The following CILK1 variants were observed in gnomAD, a reference collection of about 807,000 sequenced individuals.
The protein encoded by CILK1 is serine/threonine-protein kinase ICK.
CILK1 carries 47 observed loss-of-function variants against 79.2 expected under a neutral mutation model. That is an observed-to-expected ratio of 0.59 (90% CI 0.47 to 0.76). CILK1 has a LOEUF of 0.76. CILK1 is among the 30% of genes least tolerant of loss of function. The pLI is 0.00. For missense variants in CILK1, 660 were observed against 769.5 expected (o/e 0.86, Z 1.68); for synonymous variants, 266 against 275.9 (o/e 0.96, Z 0.36).
chr6:53,024,597 C>G (rs572254878), intron 5 of CILK1, among the ~76,000 whole-genome samples: 71 of 152,218 alleles, frequency 4.7e-4, no homozygotes, highest in African/African-American at 1.7e-3. Context: ...GCACCTGTGA[C>G]CTCTGAAAAT....
intron 4 of CILK1, 38 bp downstream of exon 4, chr6:53,032,495 T>C: frequency 7.0e-7 from 1 of 1,437,964 alleles, no homozygotes; most frequent in Non-Finnish European, 9.3e-7. Flanking sequence ...GCTTTGCCTA[T>C]TTATTTCTAT....
intron 1 of CILK1, among the ~76,000 whole-genome samples, chr6:53,051,700 T>A (rs1767492666): frequency 6.6e-6 from 1 of 152,254 alleles, no homozygotes; most frequent in Non-Finnish European, 1.5e-5. Flanking sequence ...TTGTGTCATA[T>A]AAAGTAACAC....
At chr6:53,025,453 T>G (rs1050471929) in intron 5 of CILK1, among the ~76,000 whole-genome samples, 1 of 152,196 alleles carries the variant, frequency 6.6e-6, no homozygotes, top group African/African-American at 2.4e-5. Flanking sequence ...GTCATGCTCC[T>G]GTAAACACTG....
intron 5 of CILK1, among the ~76,000 whole-genome samples, chr6:53,029,029 T>C (rs1366042844): frequency 1.3e-5 from 2 of 152,100 alleles, no homozygotes; most frequent in East Asian, 1.9e-4. Flanking sequence ...TGGCAACAAG[T>C]ATCTGGGTCT....
At chr6:53,024,089 A>G (rs1260205693) in intron 5 of CILK1, among the ~76,000 whole-genome samples, 1 of 152,230 alleles carries the variant, frequency 6.6e-6, no homozygotes, top group East Asian at 1.9e-4. Context: ...CAAGTTTGCT[A>G]TTTTATAGCA....
At chr6:53,036,813 T>C (rs1301760027) in intron 3 of CILK1, among the ~76,000 whole-genome samples, 1 of 152,224 alleles carries the variant, frequency 6.6e-6, no homozygotes, top group Non-Finnish European at 1.5e-5. Flanking sequence ...TTAAATATTA[T>C]GTCCCCTCAA....
rs1455410368 is a variant in CILK1, at chr6:53,003,418, TC to T, written c.*1730del. 3 of 152,192 alleles carry T rather than the reference TC, an allele frequency of 2.0e-5. No individual in the cohort carries two copies. The highest frequency in any genetic ancestry group is 4.4e-5 in the Non-Finnish European group (3 of 68,034). The allele number at this position is 152,192 out of a possible 1,614,324, so 9.4% of individuals were successfully genotyped here. The stretch of plus-strand genomic sequence containing the variant: ...TTGAACCATATGAAAGTGTCTATAT[TC>T]ATTTCACCTATCATTTTAACCTATA... On this transcript the variant is annotated 3_prime_UTR_variant, in exon 14 of 14. Transcript: ENST00000676107.
intron 1 of CILK1, among the ~76,000 whole-genome samples, chr6:53,051,019 G>A (rs542973253): frequency 6.6e-6 from 1 of 152,032 alleles, no homozygotes; most frequent in South Asian, 2.1e-4. Flanking sequence ...TGGCCTCTGG[G>A]GACTTCTCAC....
At chr6:53,009,818 G>A (rs1764456970) in intron 11 of CILK1, among the ~76,000 whole-genome samples, 1 of 152,140 alleles carries the variant, frequency 6.6e-6, no homozygotes, top group Non-Finnish European at 1.5e-5. Flanking sequence ...GCCCTCTGGT[G>A]CCATCCTGGG....
At position 53,005,176 on chromosome 6, in the gene CILK1, C is replaced by T. The variant is rs1205470770; in HGVS notation, c.1872G>A (p.Trp624Ter). 1 of 1,614,070 alleles carries T rather than the reference C, an allele frequency of 6.2e-7. No homozygotes were observed. The highest frequency in any genetic ancestry group is 8.5e-7 in the Non-Finnish European group (1 of 1,180,038). The change falls in exon 14 of 14, where the codon TGG (tryptophan) becomes TGA (stop). Residue 624 changes from tryptophan to a stop codon, truncating the protein, a stop_gained. Coordinates refer to ENST00000676107, the MANE Select transcript of CILK1 (RefSeq NM_014920.5). LOFTEE classifies it high-confidence loss of function. The stretch of plus-strand genomic sequence containing the variant: ...ATCGCCGAGATGCGTACTTGGAAGC[C>T]CAGTCTGTCCGGCCATGCACTGGCT... ...AAQPVHGRTD[W>*]ASKYASRR
chr6:53,014,111 T>C, intron 8 of CILK1, 129 bp from the exon 9 acceptor site: 1 of 754,004 alleles, frequency 1.3e-6, no homozygotes, highest in East Asian at 2.7e-5. Flanking sequence ...AACAGTACCT[T>C]GAATTTTTAA....
At chr6:53,023,659 C>T (rs1229394864) in intron 5 of CILK1, among the ~76,000 whole-genome samples, 3 of 152,016 alleles carry the variant, frequency 2.0e-5, no homozygotes, top group Non-Finnish European at 2.9e-5. Context: ...CTGTCACTGC[C>T]CTAGAGCAAA....
chr6:53,014,968 C>T lies in CILK1; in HGVS notation c.832-986G>A, dbSNP rs533806066. ...CCCTGCAGCCATTTGTGAATTTCACCACCAGAACTGCATTCCTGAGAGCTT... is the reference window on the plus strand; with the variant it reads ...CCCTGCAGCCATTTGTGAATTTCACTACCAGAACTGCATTCCTGAGAGCTT... On this transcript the variant is annotated intron_variant, in intron 8 of 13. Coordinates refer to ENST00000676107, the MANE Select transcript of CILK1 (RefSeq NM_014920.5). Among the ~76,000 whole-genome samples, 22 of 152,346 alleles carry T rather than the reference C, an allele frequency of 1.4e-4. No individual in the cohort carries two copies. The East Asian group carries it at 4.2e-3, about 29-fold the overall frequency.
At chr6:53,044,747 G>A (rs1422475531) in intron 1 of CILK1, among the ~76,000 whole-genome samples, 1 of 152,098 alleles carries the variant, frequency 6.6e-6, no homozygotes, top group African/African-American at 2.4e-5. Context: ...AGGTCGTAAG[G>A]GTAGGGGTCT....
intron 3 of CILK1, among the ~76,000 whole-genome samples, chr6:53,037,309 A>G (rs563859287): frequency 1.4e-4 from 22 of 152,326 alleles, no homozygotes; most frequent in Non-Finnish European, 2.2e-4. Flanking sequence ...GGCAGGGGGA[A>G]AGGAGGAGAA....
intron 5 of CILK1, among the ~76,000 whole-genome samples, chr6:53,020,558 T>C (rs1765169612): frequency 6.6e-6 from 1 of 152,228 alleles, no homozygotes; most frequent in Non-Finnish European, 1.5e-5. Context: ...TACTGCAGCA[T>C]TTTGGATTTC....
At chr6:53,008,589 C>A (rs569602613) in intron 12 of CILK1, among the ~76,000 whole-genome samples, 1 of 152,108 alleles carries the variant, frequency 6.6e-6, no homozygotes, top group African/African-American at 2.4e-5. Context: ...CCATGCCTGG[C>A]TAATTTTTAT....
intron 5 of CILK1, among the ~76,000 whole-genome samples, chr6:53,024,778 T>C (rs1765464788): frequency 6.6e-6 from 1 of 151,852 alleles, no homozygotes; most frequent in Admixed American, 6.6e-5. Context: ...AAGAAATGTG[T>C]CATAGCTATT....
intron 1 of CILK1, among the ~76,000 whole-genome samples, chr6:53,048,871 C>T (rs1340480951): frequency 2.6e-5 from 4 of 152,116 alleles, no homozygotes; most frequent in Non-Finnish European, 5.9e-5. Flanking sequence ...TGCCATGGCT[C>T]GGACTTACGA....
Sources: allele counts gnomAD v4.1 joint callset (sites outside exome capture counted in the v4.1 genomes callset), GRCh38; gene constraint gnomAD v4.1.1; transcripts MANE v1.5; gene names NCBI Gene and HGNC (gene_info 2026-07-23, HGNC 2026-07-21).